MYO16: variants seen among roughly 807,000 people sequenced by gnomAD.
MYO16 encodes the protein unconventional myosin-XVI.
A neutral mutation model predicts 205.3 loss-of-function variants in MYO16; 94 were observed. The ratio of observed to expected loss-of-function variants is 0.46; its 90% confidence interval spans 0.39 to 0.54. The LOEUF is 0.54. Ranked by LOEUF, MYO16 falls within the 20% of genes least tolerant of loss-of-function variation. MYO16 has a pLI of 0.00. For missense variants in MYO16, 2,315 were observed against 2,387.5 expected, an observed-to-expected ratio of 0.97 and a Z score of 0.63; for synonymous variants, 988 against 954.0, an observed-to-expected ratio of 1.04 and a Z score of -0.66.
At chr13:108,640,439 G>A (rs755697514) in intron 1 of MYO16, among the ~76,000 whole-genome samples, 2 of 152,182 alleles carry the variant, frequency 1.3e-5, no homozygotes, top group African/African-American at 4.8e-5. Context: ...ACACATATGA[G>A]CTTTGGCTAC....
the MYO16 span, among the ~76,000 whole-genome samples, chr13:108,516,920 ATGTTT>A: frequency 1.2e-4 from 18 of 151,242 alleles, no homozygotes; most frequent in Middle Eastern, 3.4e-3. Context: ...TTGAGTAATT[ATGTTT>A]TGTTTTGTTT....
chr13:108,690,435 T>A (rs955151888), intron 2 of MYO16, among the ~76,000 whole-genome samples: 1 of 52,446 alleles, frequency 1.9e-5, no homozygotes, highest in African/African-American at 9.4e-5. Context: ...ATGGGGGTGC[T>A]TTGGAGCAGA....
intron 7 of MYO16, among the ~76,000 whole-genome samples, chr13:108,815,023 A>G (rs1875488289): frequency 6.6e-6 from 1 of 152,232 alleles, no homozygotes; most frequent in Non-Finnish European, 1.5e-5. Context: ...TAAAAATTAG[A>G]ACTGTTAAGT....
the MYO16 span, among the ~76,000 whole-genome samples, chr13:108,532,243 G>GA: frequency 6.6e-6 from 1 of 151,594 alleles, no homozygotes; most frequent in African/African-American, 2.4e-5. Context: ...ATAAATAAAT[G>GA]AAAAATAAGA....
chr13:108,517,679 A>G, the MYO16 span, among the ~76,000 whole-genome samples: 1 of 152,232 alleles, frequency 6.6e-6, no homozygotes, highest in African/African-American at 2.4e-5. Context: ...CCTGTAGTTA[A>G]GAATTTTATA....
intron 27 of MYO16, among the ~76,000 whole-genome samples, chr13:109,076,585 A>G (rs1888112660): frequency 2.0e-5 from 3 of 152,254 alleles, no homozygotes; most frequent in South Asian, 4.1e-4. Flanking sequence ...CTTATTTTCT[A>G]CATTCTTCCA....
intron 21 of MYO16, among the ~76,000 whole-genome samples, chr13:108,995,317 G>A (rs910908871): frequency 8.5e-4 from 129 of 152,196 alleles, no homozygotes; most frequent in African/African-American, 3.0e-3. Context: ...GGATGGTGGC[G>A]CCATTATGAC....
At chr13:109,171,146 G>C (rs554338202) in intron 33 of MYO16, among the ~76,000 whole-genome samples, 1 of 152,270 alleles carries the variant, frequency 6.6e-6, no homozygotes, top group East Asian at 1.9e-4. Context: ...GTAAGCATTT[G>C]CTGATTGAAA....
chr13:109,118,221 C>T (rs1351116746), intron 28 of MYO16, among the ~76,000 whole-genome samples: 1 of 152,220 alleles, frequency 6.6e-6, no homozygotes, highest in Non-Finnish European at 1.5e-5. Flanking sequence ...ATGTCCTGAG[C>T]ATGGACAATT....
chr13:108,945,784 G>A (rs1187921062), intron 16 of MYO16, among the ~76,000 whole-genome samples: 1 of 151,788 alleles, frequency 6.6e-6, no homozygotes, highest in African/African-American at 2.4e-5. Context: ...CGTTTTTGTG[G>A]TTGAAAAAAA....
chr13:108,958,217 A>C (rs1408246372), intron 17 of MYO16, among the ~76,000 whole-genome samples: 1 of 147,564 alleles, frequency 6.8e-6, no homozygotes, highest in African/African-American at 2.5e-5. Flanking sequence ...ATATTTATAA[A>C]ATATAATTTA....
upstream of MYO16, among the ~76,000 whole-genome samples, chr13:108,592,950 A>T (rs1878444129): frequency 6.6e-6 from 1 of 152,082 alleles, no homozygotes; most frequent in Admixed American, 6.5e-5. Flanking sequence ...GAAAATTGCA[A>T]TCACGCTTCC....
At chr13:108,749,623 A>G (rs539188089) in intron 4 of MYO16, among the ~76,000 whole-genome samples, 4 of 152,334 alleles carry the variant, frequency 2.6e-5, no homozygotes, top group African/African-American at 9.6e-5. Context: ...AACCAAACCT[A>G]GTGAGACATT....
At chr13:108,664,526 T>C (rs928550140) in intron 1 of MYO16, among the ~76,000 whole-genome samples, 3 of 152,220 alleles carry the variant, frequency 2.0e-5, no homozygotes, top group African/African-American at 7.2e-5. Flanking sequence ...AGTGTTGTCA[T>C]GACTTGTTGT....
intron 16 of MYO16, among the ~76,000 whole-genome samples, chr13:108,930,966 T>C (rs1053936850): frequency 6.6e-6 from 1 of 152,224 alleles, no homozygotes; most frequent in Non-Finnish European, 1.5e-5. Flanking sequence ...TTTAAGATAC[T>C]GCTGAAGTAT....
intron 2 of MYO16, among the ~76,000 whole-genome samples, chr13:108,670,868 G>A (rs189060999): frequency 6.6e-6 from 1 of 152,264 alleles, no homozygotes; most frequent in African/African-American, 2.4e-5. Context: ...TCAATAGGCA[G>A]TCAATATTTG....
At chr13:108,714,891 C>G (rs2139556572) in intron 3 of MYO16, among the ~76,000 whole-genome samples, 1 of 152,266 alleles carries the variant, frequency 6.6e-6, no homozygotes, top group Non-Finnish European at 1.5e-5. Flanking sequence ...ATCCCCTCGA[C>G]AGCTGCCAGT....
intron 21 of MYO16, among the ~76,000 whole-genome samples, chr13:108,993,202 A>G (rs1331361451): frequency 6.6e-6 from 1 of 152,274 alleles, no homozygotes; most frequent in East Asian, 1.9e-4. Context: ...TATTTTCTTA[A>G]GGTGGTGTGG....
intron 1 of MYO16, among the ~76,000 whole-genome samples, chr13:108,641,367 A>T (rs1880496061): frequency 6.6e-6 from 1 of 152,218 alleles, no homozygotes; most frequent in African/African-American, 2.4e-5. Flanking sequence ...TTGATTATCT[A>T]GAAATGAGAA....
Sources: allele counts gnomAD v4.1 joint callset (sites outside exome capture counted in the v4.1 genomes callset), GRCh38; gene constraint gnomAD v4.1.1; transcripts MANE v1.5; gene names NCBI Gene and HGNC (gene_info 2026-07-23, HGNC 2026-07-21).